The following MTRF1 variants were observed in gnomAD, a reference collection of about 807,000 sequenced individuals.
The protein encoded by MTRF1 is peptide chain release factor 1, mitochondrial.
In MTRF1, 51 loss-of-function variants were observed where a neutral mutation model predicts 62.9. That is an observed-to-expected ratio of 0.81 (90% CI 0.65 to 1.02). MTRF1 has a LOEUF of 1.02. MTRF1 is among the 50% of genes least tolerant of loss of function. The probability of loss-of-function intolerance (pLI) is 0.00; values close to 1 mark genes in which losing one functional copy is unlikely to be tolerated. For missense variants in MTRF1, 446 were observed against 530.0 expected, an observed-to-expected ratio of 0.84 and a Z score of 1.56; for synonymous variants, 158 against 181.9, an observed-to-expected ratio of 0.87 and a Z score of 1.06.
At chr13:41,276,810 T>G in the MTRF1 span, among the ~76,000 whole-genome samples, 3 of 152,200 alleles carry the variant, frequency 2.0e-5, no homozygotes, top group African/African-American at 7.2e-5. Context: ...CAGCCATTAT[T>G]CCAAAGGTCC....
intron 1 of MTRF1, chr13:41,263,178 G>T (rs771924950): frequency 1.1e-6 from 1 of 932,748 alleles, no homozygotes; most frequent in Non-Finnish European, 1.5e-6. Flanking sequence ...TTCCATTTTA[G>T]GAACAGTAGT....
At chr13:41,237,504 C>T (rs1206586327) in intron 6 of MTRF1, among the ~76,000 whole-genome samples, 1 of 148,750 alleles carries the variant, frequency 6.7e-6, no homozygotes, top group East Asian at 2.0e-4. Context: ...ACTATGCATT[C>T]TTTTTTTTTT....
chr13:41,299,348 A>G, the MTRF1 span, among the ~76,000 whole-genome samples: 1 of 152,220 alleles, frequency 6.6e-6, no homozygotes, highest in South Asian at 2.1e-4. Context: ...GCTAAGTACC[A>G]TTGAAAATAG....
rs117014400 is a variant in MTRF1, at chr13:41,250,927, C to T, written c.697+1718G>A. ...AGTCTTCTCAGCTAGAAAGATTAGACTCCCTGTGGCTCATCTCCTTTGTGT... is the reference window on the plus strand; with the variant it reads ...AGTCTTCTCAGCTAGAAAGATTAGATTCCCTGTGGCTCATCTCCTTTGTGT... On this transcript the variant is annotated intron_variant, in intron 5 of 9. Coordinates refer to ENST00000379480, the MANE Select transcript of MTRF1 (RefSeq NM_004294.4). Among the ~76,000 whole-genome samples, 481 of 152,312 alleles carry T rather than the reference C, an allele frequency of 3.2e-3. 3 individuals are homozygous for T. Among genetic ancestry groups the T allele is most frequent in the Non-Finnish European group, 5.6e-3 (380 of 68,026 alleles).
intron 5 of MTRF1, among the ~76,000 whole-genome samples, chr13:41,247,074 C>T (rs2038366063): frequency 6.6e-6 from 1 of 152,226 alleles, no homozygotes; most frequent in African/African-American, 2.4e-5. Flanking sequence ...ACAACACAGC[C>T]TTGAAATTCA....
intron 5 of MTRF1, among the ~76,000 whole-genome samples, chr13:41,244,665 C>T (rs73179125): frequency 0.051 from 7,776 of 152,230 alleles, 259 homozygotes; most frequent in Non-Finnish European, 0.079. Flanking sequence ...GCATCACTTA[C>T]TTGGGAGAAA....
At chr13:41,262,765 A>C (rs2040608884) in intron 1 of MTRF1, among the ~76,000 whole-genome samples, 1 of 152,234 alleles carries the variant, frequency 6.6e-6, no homozygotes, top group Non-Finnish European at 1.5e-5. Context: ...GTTCAAGGCC[A>C]GCCTGGGCAA....
the MTRF1 span, among the ~76,000 whole-genome samples, chr13:41,277,597 T>G: frequency 1.3e-5 from 2 of 152,190 alleles, no homozygotes; most frequent in African/African-American, 4.8e-5. Flanking sequence ...TTTTATGTCC[T>G]CTTCAGGAGC....
At chr13:41,237,008 A>G (rs2036706458) in intron 6 of MTRF1, among the ~76,000 whole-genome samples, 1 of 152,122 alleles carries the variant, frequency 6.6e-6, no homozygotes, top group Non-Finnish European at 1.5e-5. Context: ...ACTTGAGCTC[A>G]GGAGGTTCAA....
chr13:41,271,085 ACACACAC>A, the MTRF1 span, among the ~76,000 whole-genome samples: 3 of 149,162 alleles, frequency 2.0e-5, no homozygotes, highest in Admixed American at 6.6e-5. Context: ...ACACACACAC[ACACACAC>A]CCCATATAGC....
the MTRF1 span, among the ~76,000 whole-genome samples, chr13:41,274,058 T>C: frequency 1.3e-5 from 2 of 152,204 alleles, no homozygotes; most frequent in African/African-American, 4.8e-5. Context: ...TTGAATAGAA[T>C]GGGAGGCAGG....
intron 2 of MTRF1, among the ~76,000 whole-genome samples, chr13:41,256,386 G>A (rs1285848890): frequency 1.3e-5 from 2 of 151,288 alleles, no homozygotes; most frequent in Non-Finnish European, 2.9e-5. Context: ...GAGTGCAGTG[G>A]TGTGATCTCG....
At chr13:41,270,776 C>T in the MTRF1 span, among the ~76,000 whole-genome samples, 11 of 150,740 alleles carry the variant, frequency 7.3e-5, no homozygotes, top group Non-Finnish European at 1.2e-4. Flanking sequence ...ATTTCACTCT[C>T]GTTGCCCAGG....
chr13:41,244,202 T>C (rs1327416660), intron 5 of MTRF1, among the ~76,000 whole-genome samples: 1 of 137,306 alleles, frequency 7.3e-6, no homozygotes, highest in African/African-American at 2.7e-5. Flanking sequence ...TTTTGCTTAT[T>C]ATAAAATCCT....
chr13:41,270,706 T>A, the MTRF1 span, among the ~76,000 whole-genome samples: 1 of 151,864 alleles, frequency 6.6e-6, no homozygotes, highest in Admixed American at 6.6e-5. Flanking sequence ...TAAAACTATA[T>A]AAATTATAAA....
rs140084721 is a variant in MTRF1 at position 41,220,945 on chromosome 13, A to C, written c.1224+2311T>G. Among the ~76,000 whole-genome samples the C allele has an allele frequency of 3.5e-3, 536 of 152,314 alleles. 8 individuals carry two copies. Among genetic ancestry groups the C allele is most frequent in the Middle Eastern group, 0.01 (3 of 294 alleles). ...TTTGTCCTGGGTCAGGATCACGATC[A>C]TGTAAGAATGCAGCAGCTCTGTCAG... On this transcript the variant is annotated intron_variant, in intron 9 of 9. Coordinates refer to ENST00000379480, the MANE Select transcript of MTRF1 (RefSeq NM_004294.4).
the MTRF1 span, among the ~76,000 whole-genome samples, chr13:41,292,928 A>G: frequency 1.3e-5 from 2 of 152,114 alleles, no homozygotes; most frequent in Non-Finnish European, 2.9e-5. Context: ...AGAGTGAGAC[A>G]CTATCACCAA....
chr13:41,304,435 C>T, the MTRF1 span, among the ~76,000 whole-genome samples: 1 of 152,098 alleles, frequency 6.6e-6, no homozygotes, highest in Non-Finnish European at 1.5e-5. Context: ...CCTGGGCTTC[C>T]GCTGAGAGCA....
intron 5 of MTRF1, 38 bp from the exon 6 acceptor site, chr13:41,240,471 C>T: frequency 6.3e-7 from 1 of 1,584,624 alleles, no homozygotes; most frequent in Non-Finnish European, 8.6e-7. Flanking sequence ...AATGAATTAT[C>T]CTTTGAAACA....
Sources: allele counts gnomAD v4.1 joint callset (sites outside exome capture counted in the v4.1 genomes callset), GRCh38; gene constraint gnomAD v4.1.1; transcripts MANE v1.5; gene names NCBI Gene and HGNC (gene_info 2026-07-23, HGNC 2026-07-21).